Variants in NAALADL2 observed in about 807,000 individuals in gnomAD.
The protein encoded by NAALADL2 is N-acetylated alpha-linked acidic dipeptidase like 2.
In NAALADL2, 76 loss-of-function variants were observed where a neutral mutation model predicts 87.2. That is an observed-to-expected ratio of 0.87 (90% CI 0.72 to 1.05). The LOEUF (loss-of-function observed/expected upper bound fraction) is 1.05, where lower values mean the gene tolerates loss of function less well. NAALADL2 is among the 50% of genes least tolerant of loss of function. The pLI, the probability that NAALADL2 is intolerant of heterozygous loss-of-function variation, is 0.00. For synonymous variants in NAALADL2, 354 were observed against 331.0 expected (o/e 1.07, Z -0.75); for missense variants, 1,089 against 945.8 (o/e 1.15, Z -1.99).
intron 1 of NAALADL2, among the ~76,000 whole-genome samples, chr3:174,894,180 A>G (rs1333738393): frequency 6.6e-6 from 1 of 152,134 alleles, no homozygotes; most frequent in Admixed American, 6.5e-5. Flanking sequence ...TGCACCCAAT[A>G]TGGGAGCACC....
At chr3:174,452,956 G>T (rs972921218) in intron 1 of NAALADL2, among the ~76,000 whole-genome samples, 5 of 152,092 alleles carry the variant, frequency 3.3e-5, no homozygotes, top group Middle Eastern at 3.2e-3. Context: ...GACAGAAATA[G>T]AATTCAGACT....
chr3:174,610,911 A>T (rs897352611), intron 2 of NAALADL2, among the ~76,000 whole-genome samples: 1 of 152,180 alleles, frequency 6.6e-6, no homozygotes, highest in Non-Finnish European at 1.5e-5. Flanking sequence ...ACTTGGCAGC[A>T]ACCCAAATGT....
chr3:174,534,878 G>T (rs993971413), intron 1 of NAALADL2, among the ~76,000 whole-genome samples: 1 of 152,180 alleles, frequency 6.6e-6, no homozygotes, highest in Admixed American at 6.6e-5. Context: ...AATTGTATCA[G>T]ACTTTAGGCC....
intron 1 of NAALADL2, among the ~76,000 whole-genome samples, chr3:175,054,053 G>A (rs1179807212): frequency 2.0e-5 from 3 of 152,170 alleles, no homozygotes; most frequent in East Asian, 3.9e-4. Flanking sequence ...GTATGAAATC[G>A]TAACTGAGCA....
At chr3:175,473,770 A>G (rs913614597) in intron 9 of NAALADL2, among the ~76,000 whole-genome samples, 2 of 152,274 alleles carry the variant, frequency 1.3e-5, no homozygotes, top group South Asian at 4.1e-4. Context: ...AAAGAAATAC[A>G]TAAAGCCTTT....
At chr3:174,560,336 A>G (rs1713434398) in intron 2 of NAALADL2, among the ~76,000 whole-genome samples, 1 of 152,244 alleles carries the variant, frequency 6.6e-6, no homozygotes, top group Non-Finnish European at 1.5e-5. Context: ...CAGGGCAAGT[A>G]CTTAATTCCC....
chr3:175,652,060 C>T (rs1229217114), intron 11 of NAALADL2, among the ~76,000 whole-genome samples: 1 of 152,188 alleles, frequency 6.6e-6, no homozygotes, highest in Middle Eastern at 3.2e-3. Flanking sequence ...CATCAAATTT[C>T]TATGTGGTGC....
chr3:175,289,426 G>A (rs1755380283), intron 4 of NAALADL2, among the ~76,000 whole-genome samples: 1 of 151,834 alleles, frequency 6.6e-6, no homozygotes, highest in Non-Finnish European at 1.5e-5. Flanking sequence ...ATTTTCGAAA[G>A]GTGCCAAAAA....
chr3:175,203,069 G>T (rs573687738), intron 2 of NAALADL2, among the ~76,000 whole-genome samples: 1 of 152,182 alleles, frequency 6.6e-6, no homozygotes, highest in East Asian at 1.9e-4. Context: ...AGCTGCAAAA[G>T]AAAAAGGCTT....
At chr3:175,417,125 A>T (rs944091294) in intron 5 of NAALADL2, among the ~76,000 whole-genome samples, 11 of 150,670 alleles carry the variant, frequency 7.3e-5, no homozygotes, top group African/African-American at 2.2e-4. Context: ...AAGAAAAAAA[A>T]AAAAAAAAGT....
At chr3:174,889,320 G>T (rs1176264288) in intron 1 of NAALADL2, among the ~76,000 whole-genome samples, 1 of 152,016 alleles carries the variant, frequency 6.6e-6, no homozygotes, top group Non-Finnish European at 1.5e-5. Context: ...TATAATCCTT[G>T]CTGTTTTATA....
chr3:174,518,599 T>C (rs2108405714), intron 1 of NAALADL2, among the ~76,000 whole-genome samples: 1 of 152,264 alleles, frequency 6.6e-6, no homozygotes, highest in Non-Finnish European at 1.5e-5. Context: ...TTTAATCACC[T>C]TAACATGACC....
chr3:175,508,307 AC>A (rs1332676153), intron 9 of NAALADL2, among the ~76,000 whole-genome samples: 1 of 152,102 alleles, frequency 6.6e-6, no homozygotes, highest in African/African-American at 2.4e-5. Flanking sequence ...ATATCACTCT[AC>A]TTGGGTGATC....
chr3:175,199,165 G>A (rs939219462), intron 2 of NAALADL2, among the ~76,000 whole-genome samples: 5 of 152,228 alleles, frequency 3.3e-5, no homozygotes, highest in South Asian at 2.1e-4. Context: ...CCAAAAGAGC[G>A]CAGAGCTTTC....
chr3:175,405,355 A>C (rs1204636109), intron 5 of NAALADL2, among the ~76,000 whole-genome samples: 1 of 152,138 alleles, frequency 6.6e-6, no homozygotes, highest in Non-Finnish European at 1.5e-5. Context: ...AGAAAGTGCC[A>C]TGTATACTTT....
intron 10 of NAALADL2, among the ~76,000 whole-genome samples, chr3:175,610,626 C>G (rs988926539): frequency 6.6e-6 from 1 of 152,030 alleles, no homozygotes; most frequent in East Asian, 1.9e-4. Context: ...ATTTTTGAGC[C>G]ATAAAGCCAT....
rs10591566 is a variant in NAALADL2, at chr3:175,463,701, G to GGAGAGAGAGAGAGA, written c.1327+230_1327+243dup. ...TCTTCTAAAATAAATCTTAGTCGGG[G>GGAGAGAGAGAGAGA]GAGAGAGAGAGAGAGAGAGAGAGAG... On this transcript the variant is annotated intron_variant, in intron 7 of 13. Transcript: ENST00000454872. Among the ~76,000 whole-genome samples the GGAGAGAGAGAGAGA allele has an allele frequency of 2.8e-3, 322 of 115,486 alleles. 8 individuals carry two copies. Among genetic ancestry groups the GGAGAGAGAGAGAGA allele is most frequent in the African/African-American group, 0.012 (298 of 25,350 alleles). 75.8% of individuals were successfully genotyped at this position (115,486 alleles called of 152,430 possible).
Position 174,892,579 on chromosome 3 carries a change from A to T in NAALADL2, c.43+33129A>T, listed in dbSNP as rs190443783. Among the ~76,000 whole-genome samples, 55 of 152,266 alleles carry T rather than the reference A, an allele frequency of 3.6e-4. 1 individual carries two copies. Among genetic ancestry groups the T allele is most frequent in the South Asian group, 3.1e-3 (15 of 4,830 alleles). On this transcript the variant is annotated intron_variant, in intron 1 of 13. Transcript: ENST00000454872. ...ATACAGGGATAGAAAATTTATTCAG[A>T]GGAATAAGAGAACTTCTGAAACTTA... is the stretch of plus-strand genomic sequence containing the variant.
At chr3:174,725,930 T>C (rs1257554201) in intron 2 of NAALADL2, among the ~76,000 whole-genome samples, 1 of 152,172 alleles carries the variant, frequency 6.6e-6, no homozygotes, top group African/African-American at 2.4e-5. Flanking sequence ...TCAGTTTGAA[T>C]AAAGGAGCAA....
Sources: allele counts gnomAD v4.1 joint callset (sites outside exome capture counted in the v4.1 genomes callset), GRCh38; gene constraint gnomAD v4.1.1; transcripts MANE v1.5; gene names NCBI Gene and HGNC (gene_info 2026-07-23, HGNC 2026-07-21).